SENP6: variants seen among roughly 807,000 people sequenced by gnomAD.
The protein encoded by SENP6 is sentrin-specific protease 6.
SENP6 carries 41 observed loss-of-function variants against 134.5 expected under a neutral mutation model. That is an observed-to-expected ratio of 0.30 (90% confidence interval 0.24 to 0.40). The LOEUF (loss-of-function observed/expected upper bound fraction) is 0.40. SENP6 is among the 10% of genes least tolerant of loss of function. The pLI is 1.00. For missense variants in SENP6, 1,248 were observed against 1,312.5 expected, an observed-to-expected ratio of 0.95 and a Z score of 0.76; for synonymous variants, 395 against 429.8, an observed-to-expected ratio of 0.92 and a Z score of 1.00.
intron 19 of SENP6, among the ~76,000 whole-genome samples, chr6:75,705,120 C>T (rs1015297185): frequency 6.6e-6 from 1 of 152,204 alleles, no homozygotes. Flanking sequence ...CTTGGTTCTT[C>T]ATTCCTCACT....
At chr6:75,631,328 CAATG>C (rs2149836351) in intron 3 of SENP6, among the ~76,000 whole-genome samples, 1 of 152,244 alleles carries the variant, frequency 6.6e-6, no homozygotes, top group South Asian at 2.1e-4. Context: ...TTAGTATTCT[CAATG>C]AACTATTCAT....
intron 17 of SENP6, 76 bp downstream of exon 17, chr6:75,695,999 A>G: frequency 7.6e-7 from 1 of 1,312,994 alleles, no homozygotes; most frequent in Non-Finnish European, 1.0e-6. Flanking sequence ...CGTACTTGAA[A>G]GAAAACACAA....
At chr6:75,647,597 T>C (rs1770553391) in intron 6 of SENP6, 134 bp from the exon 7 acceptor site, 1 of 477,110 alleles carries the variant, frequency 2.1e-6, no homozygotes, top group African/African-American at 2.0e-5. Context: ...TTTGTTATTT[T>C]ATAGTATCAC....
At chr6:75,681,062 A>G (rs940933915) in intron 16 of SENP6, among the ~76,000 whole-genome samples, 2 of 152,230 alleles carry the variant, frequency 1.3e-5, no homozygotes, top group African/African-American at 4.8e-5. Context: ...AACACCAAGA[A>G]GACACAAATG....
Position 75,695,830 on chromosome 6 carries a change from A to G in SENP6, c.2102A>G (p.Lys701Arg), listed in dbSNP as rs1296160959. ...LKYLVLEKLK[K>R]EDADRIHIFS... ...TACTTGGTGCTTGAAAAACTGAAGA[A>G]GGAAGACGCTGACCGAATTCATATA... is the stretch of plus-strand genomic sequence containing the variant. Residue 701 changes from lysine (K) to arginine (R), a missense_variant, in exon 17 of 24, where the codon AAG becomes AGG. By Grantham distance (26) the Lys-to-Arg change is conservative. This residue lies in a region of SENP6 where 129 missense variants were observed against 192.0 expected (regional missense o/e 0.67). Coordinates refer to ENST00000447266, the MANE Select transcript of SENP6 (RefSeq NM_015571.4). The G allele has an allele frequency of 1.3e-6, 2 of 1,599,114 alleles. No homozygotes were observed.
intron 1 of SENP6, among the ~76,000 whole-genome samples, chr6:75,613,651 G>A (rs117047310): frequency 0.028 from 4,297 of 151,822 alleles, 127 homozygotes; most frequent in Non-Finnish European, 0.039. Context: ...GAAAATGAAA[G>A]CACTAGCTTT....
rs1776028243 is a variant in SENP6, at chr6:75,716,503, T to A, written c.*909T>A. 6.6e-6 allele frequency: 1 copy of A among 152,044 alleles called. No individual in the cohort carries two copies. The highest frequency in any genetic ancestry group is 2.4e-5 in the African/African-American group (1 of 41,460). 9.4% of individuals were successfully genotyped at this position (152,044 alleles called of 1,614,324 possible). On this transcript the variant is annotated 3_prime_UTR_variant, in exon 24 of 24. Coordinates refer to ENST00000447266, the MANE Select transcript of SENP6 (RefSeq NM_015571.4). Reference sequence around the variant, plus strand: ...ATTTTTTCATTGCTCATTTTGTTCTTATTATTTTGATAAAGTATCAGACTT... The same window carrying A: ...ATTTTTTCATTGCTCATTTTGTTCTAATTATTTTGATAAAGTATCAGACTT...
At chr6:75,617,961 G>A (rs766119714) in intron 1 of SENP6, among the ~76,000 whole-genome samples, 9 of 152,172 alleles carry the variant, frequency 5.9e-5, no homozygotes, top group Non-Finnish European at 1.0e-4. Flanking sequence ...ATGAGTTTTA[G>A]GGAAAGGATC....
intron 18 of SENP6, among the ~76,000 whole-genome samples, chr6:75,701,593 A>G (rs1042737934): frequency 2.0e-5 from 3 of 151,842 alleles, no homozygotes; most frequent in Admixed American, 6.6e-5. Context: ...AATGTTGAAA[A>G]AATCATATGA....
At chr6:75,617,595 T>C (rs1439811695) in intron 1 of SENP6, among the ~76,000 whole-genome samples, 2 of 152,116 alleles carry the variant, frequency 1.3e-5, no homozygotes, top group Non-Finnish European at 2.9e-5. Flanking sequence ...AGAACTTCTA[T>C]ATAACTTTTA....
chr6:75,637,899 T>C (rs1340411381), intron 5 of SENP6, among the ~76,000 whole-genome samples: 1 of 152,116 alleles, frequency 6.6e-6, no homozygotes, highest in Non-Finnish European at 1.5e-5. Flanking sequence ...GCTCTTCTAC[T>C]GCCCATGCTG....
rs188547564 is a variant in SENP6, at chr6:75,702,184, A to G, written c.2289-461A>G. 3.3e-4 allele frequency among the ~76,000 whole-genome samples: 50 copies of G among 151,786 alleles called. 1 individual carries two copies. The highest frequency in any genetic ancestry group is 1.1e-3 in the African/African-American group (47 of 41,380). ...ACTGAATCAGTGATTACATAAAACA[A>G]GCAGATTAATTTGAGAACTAAAAAA... On this transcript the variant is annotated intron_variant, in intron 18 of 23. Transcript: ENST00000447266.
chr6:75,715,815 C>T lies in SENP6; in HGVS notation c.*221C>T. Reference sequence around the variant, plus strand: ...CCAGCATTTATAATTATTTTTTTCACTTGTTAGGAAGCTTTTGTTATGTAT... The same window carrying T: ...CCAGCATTTATAATTATTTTTTTCATTTGTTAGGAAGCTTTTGTTATGTAT... On this transcript the variant is annotated 3_prime_UTR_variant, in exon 24 of 24. Coordinates refer to ENST00000447266, the MANE Select transcript of SENP6 (RefSeq NM_015571.4). The T allele has an allele frequency of 3.1e-6, 1 of 323,962 alleles. No homozygotes were observed. Among genetic ancestry groups the T allele is most frequent in the Admixed American group, 4.8e-5 (1 of 21,012 alleles). 20.1% of individuals were successfully genotyped at this position (323,962 alleles called of 1,614,324 possible).
intron 14 of SENP6, chr6:75,678,012 A>G (rs904534005): frequency 6.6e-6 from 1 of 152,534 alleles, no homozygotes; most frequent in African/African-American, 2.4e-5. Context: ...TGGGTTGAGA[A>G]AAGAACAAAA....
intron 19 of SENP6, among the ~76,000 whole-genome samples, chr6:75,708,652 T>C (rs1416365367): frequency 6.6e-6 from 1 of 152,132 alleles, no homozygotes; most frequent in Non-Finnish European, 1.5e-5. Flanking sequence ...CCCAACACTT[T>C]GGGAGGCCGA....
At chr6:75,715,047 A>G (rs1011877325) in intron 23 of SENP6, among the ~76,000 whole-genome samples, 1 of 152,170 alleles carries the variant, frequency 6.6e-6, no homozygotes. Flanking sequence ...TGCAGTCTCT[A>G]TTGCCTCTTA....
intron 7 of SENP6, among the ~76,000 whole-genome samples, chr6:75,656,270 C>G (rs1327031758): frequency 2.0e-5 from 3 of 151,362 alleles, no homozygotes; most frequent in East Asian, 3.9e-4. Context: ...TAGGGAGTAT[C>G]CTAATCTTCA....
chr6:75,657,093 G>A (rs1467831691), intron 7 of SENP6, among the ~76,000 whole-genome samples: 1 of 152,168 alleles, frequency 6.6e-6, no homozygotes, highest in African/African-American at 2.4e-5. Context: ...AAGATACTGT[G>A]TGGCTTAAAA....
chr6:75,704,489 C>T (rs779610540), intron 19 of SENP6, among the ~76,000 whole-genome samples: 1 of 152,242 alleles, frequency 6.6e-6, no homozygotes, highest in Non-Finnish European at 1.5e-5. Flanking sequence ...CATGTCTCGC[C>T]TCCTGCCATA....
Sources: gnomAD v4.1 joint callset for allele counts (sites outside exome capture counted in the v4.1 genomes callset) on GRCh38, gnomAD v4.1.1 for gene constraint, gnomAD v4.1.1 regional missense constraint, MANE v1.5 for transcripts, NCBI Gene and HGNC (gene_info 2026-07-23, HGNC 2026-07-21) for gene names.